RBFOX2: variants seen among roughly 807,000 people sequenced by gnomAD.
The protein encoded by RBFOX2 is RNA binding protein fox-1 homolog 2.
In RBFOX2, 10 loss-of-function variants were observed where a neutral mutation model predicts 49.1. That is an observed-to-expected ratio of 0.20 (90% confidence interval 0.13 to 0.35). The LOEUF is 0.35. Among genes scored for constraint, RBFOX2 ranks in the 10% least tolerant of loss-of-function variants. The probability of loss-of-function intolerance (pLI) is 1.00; values close to 1 mark genes in which losing one functional copy is unlikely to be tolerated. For synonymous variants in RBFOX2, 183 were observed against 187.4 expected, an observed-to-expected ratio of 0.98 and a Z score of 0.19; for missense variants, 323 against 486.9, an observed-to-expected ratio of 0.66 and a Z score of 3.17.
At chr22:35,949,589 CTAA>C (rs1253962563) in intron 1 of RBFOX2, among the ~76,000 whole-genome samples, 3 of 152,326 alleles carry the variant, frequency 2.0e-5, no homozygotes, top group East Asian at 1.9e-4. Flanking sequence ...TATTTTCATC[CTAA>C]TGAGTGTGAA....
intron 1 of RBFOX2, among the ~76,000 whole-genome samples, chr22:35,976,790 T>C (rs1456117581): frequency 6.6e-6 from 1 of 151,876 alleles, no homozygotes; most frequent in African/African-American, 2.4e-5. Context: ...TGGCGAAACC[T>C]CGCCTCTACT....
At chr22:35,812,924 C>T (rs1384011181) in intron 1 of RBFOX2, among the ~76,000 whole-genome samples, 1 of 152,164 alleles carries the variant, frequency 6.6e-6, no homozygotes, top group Non-Finnish European at 1.5e-5. Context: ...ATAAACACAT[C>T]AATTAGCAGT....
At chr22:35,999,766 G>T (rs1310501062) in intron 1 of RBFOX2, 2 of 151,980 alleles carry the variant, frequency 1.3e-5, no homozygotes, top group African/African-American at 4.8e-5. Context: ...TGTTGCATAG[G>T]TACTACTGTC....
chr22:35,959,338 C>T lies in RBFOX2; in HGVS notation c.42+2225G>A, dbSNP rs556507541. Among the ~76,000 whole-genome samples the T allele has an allele frequency of 6.6e-5, 10 of 152,230 alleles. No individual in the cohort carries two copies. In the East Asian group the frequency reaches 1.3e-3, roughly 21 times the overall value. ...TAACTGTTCTTTCTGTTACATGTTA[C>T]GCAGCAGTTTAGTCCAGAAAAGCAT... On this transcript the variant is annotated intron_variant, in intron 1 of 5. Transcript: ENST00000408983.
At chr22:35,777,714 C>A (rs371054626) in intron 4 of RBFOX2, 53 of 299,414 alleles carry the variant, frequency 1.8e-4, no homozygotes, top group East Asian at 7.7e-4. Flanking sequence ...TTCCTTTAAA[C>A]GGAGAAAGCT....
chr22:35,757,151 C>T (rs887783455), intron 9 of RBFOX2, among the ~76,000 whole-genome samples: 15 of 150,740 alleles, frequency 1.0e-4, no homozygotes, highest in African/African-American at 3.7e-4. Flanking sequence ...GAGAAGGTAG[C>T]TGGTTAAGAA....
intron 1 of RBFOX2, among the ~76,000 whole-genome samples, chr22:36,001,835 G>A (rs531565027): frequency 2.2e-3 from 329 of 151,900 alleles, no homozygotes; most frequent in Admixed American, 3.4e-3. Context: ...AGGCCAAGGC[G>A]GGCGGATCAC....
chr22:35,862,678 G>T (rs2043230868), intron 1 of RBFOX2, among the ~76,000 whole-genome samples: 1 of 152,050 alleles, frequency 6.6e-6, no homozygotes, highest in Admixed American at 6.6e-5. Context: ...ATCACATGTG[G>T]GTAAGAGTTC....
At chr22:35,810,404 A>G (rs1249877680) in intron 1 of RBFOX2, among the ~76,000 whole-genome samples, 3 of 152,182 alleles carry the variant, frequency 2.0e-5, no homozygotes, top group African/African-American at 7.2e-5. Context: ...TACGAAAAAC[A>G]AAAAAGAAAA....
upstream of RBFOX2, chr22:35,939,077 AC>A (rs959106750): frequency 1.4e-4 from 100 of 704,202 alleles, no homozygotes; most frequent in South Asian, 1.0e-3. Flanking sequence ...ACTGGCAAAA[AC>A]AAAAAACAGT....
intron 1 of RBFOX2, among the ~76,000 whole-genome samples, chr22:35,836,836 T>C (rs780540924): frequency 1.3e-5 from 2 of 152,262 alleles, no homozygotes; most frequent in Non-Finnish European, 2.9e-5. Flanking sequence ...CTAATTAGTG[T>C]TGAAGTCATT....
At chr22:35,810,591 C>T (rs1441088445) in intron 1 of RBFOX2, among the ~76,000 whole-genome samples, 1 of 152,052 alleles carries the variant, frequency 6.6e-6, no homozygotes. Context: ...AAATGAAATA[C>T]AAACAACTAA....
intron 1 of RBFOX2, among the ~76,000 whole-genome samples, chr22:35,869,454 C>T (rs2044082865): frequency 7.6e-6 from 1 of 132,122 alleles, no homozygotes; most frequent in African/African-American, 2.8e-5. Flanking sequence ...CCACCACACC[C>T]AGCCAACGGC....
rs557964508 is a variant in RBFOX2, at chr22:35,782,233, C to T, written c.253-487G>A. Among the ~76,000 whole-genome samples the T allele has an allele frequency of 9.5e-4, 145 of 152,056 alleles. 2 individuals are homozygous for T. The highest frequency in any genetic ancestry group is 4.8e-3 in the South Asian group (23 of 4,814). On this transcript the variant is annotated intron_variant, in intron 2 of 11. Coordinates refer to ENST00000405409, the Ensembl canonical transcript of RBFOX2. ...AAGGAAATATTTTTATATTTCATTCCCTCTATTAGCTCTAGAGTTACTACT... is the reference window on the plus strand; with the variant it reads ...AAGGAAATATTTTTATATTTCATTCTCTCTATTAGCTCTAGAGTTACTACT...
chr22:35,848,866 T>C (rs1255883793), intron 1 of RBFOX2, among the ~76,000 whole-genome samples: 1 of 152,144 alleles, frequency 6.6e-6, no homozygotes, highest in African/African-American at 2.4e-5. Flanking sequence ...TCATTTTATA[T>C]ACAACAAAAC....
At chr22:35,743,925 G>A in exon 12 of RBFOX2, 1 of 366,772 alleles carries the variant, frequency 2.7e-6, no homozygotes, top group Non-Finnish European at 4.7e-6. Flanking sequence ...ACATGGAAAT[G>A]CATTATTTTT....
chr22:35,765,392 A>G (rs764066271), intron 6 of RBFOX2, 31 bp downstream of exon 7: 38 of 1,443,704 alleles, frequency 2.6e-5, no homozygotes, highest in Non-Finnish European at 3.5e-5. Context: ...ACACAAGAAT[A>G]AACACTCTTT....
At chr22:35,877,989 GA>G in intron 1 of RBFOX2, among the ~76,000 whole-genome samples, 1 of 150,918 alleles carries the variant, frequency 6.6e-6, no homozygotes, top group African/African-American at 2.4e-5. Context: ...AGACAGGTGG[GA>G]AAAAAAGTTT....
chr22:35,794,856 C>T (rs1948468839), intron 2 of RBFOX2, among the ~76,000 whole-genome samples: 1 of 152,072 alleles, frequency 6.6e-6, no homozygotes, highest in African/African-American at 2.4e-5. Context: ...CATTAACGCG[C>T]CTAGCAATTT....
Sources: gnomAD v4.1 joint callset for allele counts (sites outside exome capture counted in the v4.1 genomes callset) on GRCh38, gnomAD v4.1.1 for gene constraint, MANE v1.5 for transcripts, NCBI Gene and HGNC (gene_info 2026-07-23, HGNC 2026-07-21) for gene names.